Variants in SLC35F1 observed in about 807,000 individuals in gnomAD.
SLC35F1 encodes the protein solute carrier family 35 member F1, also known as chromosome 6 open reading frame 169.
A neutral mutation model predicts 48.7 loss-of-function variants in SLC35F1; 14 were observed. The ratio of observed to expected loss-of-function variants is 0.29; its 90% CI spans 0.19 to 0.45. The LOEUF is 0.45. Among genes scored for constraint, SLC35F1 ranks in the 20% least tolerant of loss-of-function variants. The probability of loss-of-function intolerance (pLI) is 1.00; values close to 1 mark genes in which losing one functional copy is unlikely to be tolerated. For missense variants in SLC35F1, 404 were observed against 500.0 expected, an observed-to-expected ratio of 0.81 and a Z score of 1.83; for synonymous variants, 190 against 202.2, an observed-to-expected ratio of 0.94 and a Z score of 0.51.
At chr6:118,055,160 T>C (rs1772446620) in intron 1 of SLC35F1, among the ~76,000 whole-genome samples, 2 of 152,162 alleles carry the variant, frequency 1.3e-5, no homozygotes, top group African/African-American at 2.4e-5. Context: ...TATTAGTAGG[T>C]GTTACTTTAT....
chr6:117,980,244 A>G (rs1303398441), intron 1 of SLC35F1, among the ~76,000 whole-genome samples: 1 of 152,188 alleles, frequency 6.6e-6, no homozygotes, highest in Non-Finnish European at 1.5e-5. Context: ...CAGATGGGCT[A>G]GACCTCCAAA....
chr6:118,026,675 T>C (rs1771951782), intron 1 of SLC35F1, among the ~76,000 whole-genome samples: 1 of 152,204 alleles, frequency 6.6e-6, no homozygotes, highest in African/African-American at 2.4e-5. Flanking sequence ...AAAGTGTCAT[T>C]AAGCTGGTAT....
chr6:118,270,224 C>T (rs1438527424), intron 4 of SLC35F1, among the ~76,000 whole-genome samples: 2 of 152,124 alleles, frequency 1.3e-5, no homozygotes, highest in East Asian at 1.9e-4. Context: ...AAAGCAATTG[C>T]TTTAATTCCA....
At chr6:118,134,049 C>T (rs1773756720) in intron 1 of SLC35F1, among the ~76,000 whole-genome samples, 1 of 152,196 alleles carries the variant, frequency 6.6e-6, no homozygotes, top group Non-Finnish European at 1.5e-5. Context: ...TATCTCTTCC[C>T]TAGAAATTGA....
At chr6:118,014,976 C>G (rs1777300009) in intron 1 of SLC35F1, among the ~76,000 whole-genome samples, 1 of 152,132 alleles carries the variant, frequency 6.6e-6, no homozygotes, top group Non-Finnish European at 1.5e-5. Flanking sequence ...GGGAGGGACC[C>G]AGCTAAAGAT....
At chr6:118,009,994 A>G (rs1777223938) in intron 1 of SLC35F1, among the ~76,000 whole-genome samples, 1 of 152,186 alleles carries the variant, frequency 6.6e-6, no homozygotes, top group Admixed American at 6.5e-5. Context: ...TACGTATTTT[A>G]CAGTTAACCT....
chr6:118,146,659 T>C (rs1773978029), intron 1 of SLC35F1, among the ~76,000 whole-genome samples: 1 of 152,180 alleles, frequency 6.6e-6, no homozygotes, highest in Non-Finnish European at 1.5e-5. Context: ...CTGTTTAGTT[T>C]AATTTATTTA....
At chr6:118,306,664 A>C (rs973422255) in intron 7 of SLC35F1, among the ~76,000 whole-genome samples, 1 of 152,208 alleles carries the variant, frequency 6.6e-6, no homozygotes, top group Non-Finnish European at 1.5e-5. Flanking sequence ...GTTGTAACTG[A>C]GCCTATAATT....
In SLC35F1 at chr6:118,037,873, G is replaced by C. The variant is rs893846757; in HGVS notation, c.174-116572G>C. Among the ~76,000 whole-genome samples the C allele has an allele frequency of 1.1e-4, 16 of 151,352 alleles. 1 individual carries two copies. The highest frequency in any genetic ancestry group is 1.5e-5 in the Non-Finnish European group (1 of 67,878). On this transcript the variant is annotated intron_variant, in intron 1 of 7. Transcript: ENST00000360388. ...ATCACACACTGGGGCCTGTTGGGGG[G>C]TGGGGGGCAAGAGGAGGGAGACCAT...
intron 2 of SLC35F1, among the ~76,000 whole-genome samples, chr6:118,188,913 T>TTTTG (rs1310687605): frequency 6.6e-6 from 1 of 152,078 alleles, no homozygotes; most frequent in Non-Finnish European, 1.5e-5. Flanking sequence ...TGATTGACAT[T>TTTTG]TTTGTTTGTT....
At chr6:118,232,938 AG>A (rs1294460427) in intron 2 of SLC35F1, among the ~76,000 whole-genome samples, 7 of 151,246 alleles carry the variant, frequency 4.6e-5, no homozygotes, top group African/African-American at 1.5e-4. Flanking sequence ...AATCTCTAGA[AG>A]GGGGGCTGGT....
intron 1 of SLC35F1, among the ~76,000 whole-genome samples, chr6:118,064,778 A>T (rs1387351382): frequency 6.6e-6 from 1 of 152,168 alleles, no homozygotes; most frequent in East Asian, 1.9e-4. Context: ...CATATGTGTA[A>T]TGGTTATCTG....
At chr6:118,157,829 A>G (rs994710704) in intron 2 of SLC35F1, among the ~76,000 whole-genome samples, 19 of 152,274 alleles carry the variant, frequency 1.2e-4, no homozygotes, top group African/African-American at 4.6e-4. Flanking sequence ...CAGTTTACTG[A>G]CTCAAATGTT....
intron 1 of SLC35F1, among the ~76,000 whole-genome samples, chr6:118,154,031 C>A (rs1344465089): frequency 2.0e-5 from 3 of 152,076 alleles, no homozygotes; most frequent in Non-Finnish European, 4.4e-5. Flanking sequence ...ATGGTCCCTC[C>A]TAGTCAGTGT....
At chr6:118,024,159 T>C (rs1341404940) in intron 1 of SLC35F1, among the ~76,000 whole-genome samples, 1 of 152,164 alleles carries the variant, frequency 6.6e-6, no homozygotes, top group Admixed American at 6.5e-5. Flanking sequence ...AGGCCCAGAT[T>C]TGTGATTTGT....
chr6:118,177,691 A>C (rs1007389411), intron 2 of SLC35F1, among the ~76,000 whole-genome samples: 4 of 152,120 alleles, frequency 2.6e-5, no homozygotes, highest in Non-Finnish European at 5.9e-5. Flanking sequence ...TTTGTTTTAA[A>C]AAAACAGTCA....
chr6:118,143,385 CT>C (rs949905374), intron 1 of SLC35F1, among the ~76,000 whole-genome samples: 2 of 152,256 alleles, frequency 1.3e-5, no homozygotes, highest in African/African-American at 4.8e-5. Context: ...AGGTTGCCCC[CT>C]CTTTCCTACT....
At chr6:118,077,027 T>C (rs1772832246) in intron 1 of SLC35F1, among the ~76,000 whole-genome samples, 1 of 152,248 alleles carries the variant, frequency 6.6e-6, no homozygotes, top group Non-Finnish European at 1.5e-5. Context: ...CCAAATTTTA[T>C]GTTTTTTAAA....
chr6:118,020,597 G>A (rs1476334189), intron 1 of SLC35F1, among the ~76,000 whole-genome samples: 1 of 152,214 alleles, frequency 6.6e-6, no homozygotes, highest in Non-Finnish European at 1.5e-5. Flanking sequence ...ATCTGGATGA[G>A]AGACTTGGAA....
Sources: gnomAD v4.1 joint callset for allele counts (sites outside exome capture counted in the v4.1 genomes callset) on GRCh38, gnomAD v4.1.1 for gene constraint, MANE v1.5 for transcripts, NCBI Gene and HGNC (gene_info 2026-07-23, HGNC 2026-07-21) for gene names.